COL4A1: variants seen among roughly 807,000 people sequenced by gnomAD.
COL4A1 encodes the protein collagen type IV alpha 1 chain.
A neutral mutation model predicts 216.6 loss-of-function variants in COL4A1; 40 were observed. The observed-to-expected ratio is 0.18, with a 90% CI of 0.14 to 0.24. The LOEUF (loss-of-function observed/expected upper bound fraction) is 0.24, where lower values mean the gene tolerates loss of function less well. COL4A1 is among the 10% of genes least tolerant of loss of function. COL4A1 has a pLI of 1.00. For missense variants in COL4A1, 1,628 were observed against 2,196.8 expected, an observed-to-expected ratio of 0.74 and a Z score of 5.18; for synonymous variants, 839 against 810.7, an observed-to-expected ratio of 1.03 and a Z score of -0.59.
chr13:110,291,047 G>T (rs1429578293), intron 1 of COL4A1, among the ~76,000 whole-genome samples: 1 of 152,222 alleles, frequency 6.6e-6, no homozygotes, highest in African/African-American at 2.4e-5. Flanking sequence ...CCTGAATCAC[G>T]TGCACAGACG....
At chr13:110,224,920 T>A (rs1880668487) in intron 2 of COL4A1, among the ~76,000 whole-genome samples, 1 of 151,980 alleles carries the variant, frequency 6.6e-6, no homozygotes, top group African/African-American at 2.4e-5. Context: ...AAATTGCAGA[T>A]GAAATACTCT....
At chr13:110,181,968 C>T (rs559276992) in intron 28 of COL4A1, among the ~76,000 whole-genome samples, 1 of 152,330 alleles carries the variant, frequency 6.6e-6, no homozygotes, top group Admixed American at 6.5e-5. Flanking sequence ...TGTAAGTTTG[C>T]AGTGGCACAC....
rs58908343 is a variant in COL4A1, at chr13:110,205,346, C to G, written c.957+7G>C. On this transcript the variant is annotated splice_region_variant and intron_variant, in intron 17 of 51. Coordinates refer to ENST00000375820, the MANE Select transcript of COL4A1 (RefSeq NM_001845.6). ...AGATAAAGGCTCACAATAGTGCCAGCGTTTACCTGCGGGCCCTGGCGGCCT... is the reference window on the plus strand; with the variant it reads ...AGATAAAGGCTCACAATAGTGCCAGGGTTTACCTGCGGGCCCTGGCGGCCT... 3.7e-6 allele frequency: 6 copies of G among 1,613,880 alleles called. 1 individual carries two copies. The highest frequency in any genetic ancestry group is 5.1e-6 in the Non-Finnish European group (6 of 1,179,986).
intron 24 of COL4A1, among the ~76,000 whole-genome samples, chr13:110,189,493 G>A (rs1280079264): frequency 2.6e-5 from 4 of 152,136 alleles, no homozygotes; most frequent in Non-Finnish European, 4.4e-5. Context: ...AGCTGGCCCC[G>A]CACTCTAATG....
intron 2 of COL4A1, among the ~76,000 whole-genome samples, chr13:110,240,187 T>C (rs1033527970): frequency 6.6e-5 from 10 of 152,078 alleles, no homozygotes; most frequent in African/African-American, 2.4e-4. Context: ...AGCATTTTAT[T>C]TTAAATGTTC....
At chr13:110,155,430 G>A (rs375191949) in intron 49 of COL4A1, 33 bp from the exon 50 acceptor site, 64 of 1,540,464 alleles carry the variant, frequency 4.2e-5, no homozygotes, top group African/African-American at 3.7e-4. Flanking sequence ...CAGCACAGCC[G>A]GGGTGCAGGG....
At position 110,224,325 on chromosome 13, in the gene COL4A1, A is replaced by G. The variant is rs372653549; in HGVS notation, c.145-10310T>C. Among the ~76,000 whole-genome samples the G allele has an allele frequency of 2.0e-5, 3 of 152,156 alleles. No homozygotes were observed. The East Asian group carries it at 5.8e-4, about 29-fold the overall frequency. ...TCTCTTCTGAGTTTGTATAAGAAAAAAATATATATGTTTTTGAGATGGAGT... is the reference window on the plus strand; with the variant it reads ...TCTCTTCTGAGTTTGTATAAGAAAAGAATATATATGTTTTTGAGATGGAGT... On this transcript the variant is annotated intron_variant, in intron 2 of 51. Coordinates refer to ENST00000375820, the MANE Select transcript of COL4A1 (RefSeq NM_001845.6).
At chr13:110,205,289 T>TA (rs955147301) in intron 17 of COL4A1, 64 bp downstream of exon 17, 1 of 1,592,568 alleles carries the variant, frequency 6.3e-7, no homozygotes. Context: ...TAGGAAAGAA[T>TA]AAACAGACTT....
At chr13:110,277,347 A>T (rs579019) in intron 1 of COL4A1, among the ~76,000 whole-genome samples, 135,456 of 152,234 alleles carry the variant, frequency 0.89, 61,665 homozygotes, top group Non-Finnish European at 1. Context: ...GCCATTCTTT[A>T]TTTTCCCCAA....
rs200753271 is a variant in COL4A1, at chr13:110,169,774, G to A, written c.3743-12C>T. The A allele has an allele frequency of 1.2e-6, 2 of 1,613,870 alleles. No individual in the cohort carries two copies. The highest frequency in any genetic ancestry group is 2.2e-5 in the East Asian group (1 of 44,838). ...GGGTCCCGGAAGTCCTAATGGAAGA[G>A]AAGAAAGCCACACATTTGGGGTTAA... On this transcript the variant is annotated splice_polypyrimidine_tract_variant and intron_variant, in intron 42 of 51. Transcript: ENST00000375820.
intron 51 of COL4A1, among the ~76,000 whole-genome samples, chr13:110,151,432 T>C (rs560202919): frequency 1.3e-5 from 2 of 152,330 alleles, no homozygotes; most frequent in East Asian, 3.9e-4. Context: ...GGATGTCAAG[T>C]TTCCAGTTCC....
At chr13:110,183,125 G>C (rs763855269) in intron 27 of COL4A1, 28 bp from the exon 28 acceptor site, 6 of 1,612,016 alleles carry the variant, frequency 3.7e-6, no homozygotes, top group East Asian at 2.2e-5. Context: ...AACAGTCAGC[G>C]TGAGAAAAAC....
intron 1 of COL4A1, among the ~76,000 whole-genome samples, chr13:110,249,072 T>C (rs553993466): frequency 1.3e-5 from 2 of 152,054 alleles, no homozygotes; most frequent in East Asian, 2.0e-4. Context: ...TAAAAAAGAA[T>C]CTTAAAACTT....
chr13:110,286,215 C>A (rs1489084534), intron 1 of COL4A1, among the ~76,000 whole-genome samples: 3 of 152,218 alleles, frequency 2.0e-5, no homozygotes, highest in Admixed American at 1.3e-4. Flanking sequence ...TCAGGGTACA[C>A]TGAAGCCAGT....
intron 1 of COL4A1, among the ~76,000 whole-genome samples, chr13:110,255,007 A>G (rs1882446372): frequency 6.6e-6 from 1 of 152,214 alleles, no homozygotes; most frequent in Admixed American, 6.5e-5. Context: ...AGAGGAGAGA[A>G]GCTGTGGCCC....
intron 2 of COL4A1, among the ~76,000 whole-genome samples, chr13:110,235,467 GGTGAAACCCCGTC>G (rs1446509703): frequency 3.3e-5 from 5 of 151,906 alleles, no homozygotes; most frequent in Non-Finnish European, 5.9e-5. Context: ...TGGCTAACAG[GGTGAAACCCCGTC>G]TCTACTAAAA....
chr13:110,304,047 T>C (rs1037925939), intron 1 of COL4A1, among the ~76,000 whole-genome samples: 24 of 152,246 alleles, frequency 1.6e-4, no homozygotes, highest in African/African-American at 5.3e-4. Flanking sequence ...ATTAATAATA[T>C]ATAGCATTGA....
At chr13:110,224,867 A>AT (rs537514798) in intron 2 of COL4A1, among the ~76,000 whole-genome samples, 347 of 150,510 alleles carry the variant, frequency 2.3e-3, no homozygotes, top group East Asian at 0.014. Flanking sequence ...TAGGTGATGG[A>AT]TTTTTTTTTT....
chr13:110,248,300 G>T (rs1226045739), intron 1 of COL4A1, among the ~76,000 whole-genome samples: 1 of 152,164 alleles, frequency 6.6e-6, no homozygotes, highest in African/African-American at 2.4e-5. Flanking sequence ...GGCCCCACAC[G>T]CTCCCGGCGG....
Sources: gnomAD v4.1 joint callset for allele counts (sites outside exome capture counted in the v4.1 genomes callset) on GRCh38, gnomAD v4.1.1 for gene constraint, MANE v1.5 for transcripts, NCBI Gene and HGNC (gene_info 2026-07-23, HGNC 2026-07-21) for gene names.